The following IL15 variants were observed in gnomAD, a reference collection of about 807,000 sequenced individuals.
IL15 encodes interleukin-15.
IL15 carries 11 observed loss-of-function variants against 19.6 expected under a neutral mutation model. The ratio of observed to expected loss-of-function variants is 0.56; its 90% CI spans 0.35 to 0.93. IL15 has a LOEUF of 0.93. Among genes scored for constraint, IL15 ranks in the 40% least tolerant of loss-of-function variants. The probability of loss-of-function intolerance (pLI) is 0.01; values close to 1 mark genes in which losing one functional copy is unlikely to be tolerated. For missense variants in IL15, 197 were observed against 186.5 expected, an observed-to-expected ratio of 1.06 and a Z score of -0.33; for synonymous variants, 58 against 59.6, an observed-to-expected ratio of 0.97 and a Z score of 0.12.
At chr4:141,673,041 A>G (rs1365585787) in intron 2 of IL15, among the ~76,000 whole-genome samples, 2 of 152,152 alleles carry the variant, frequency 1.3e-5, no homozygotes, top group Non-Finnish European at 2.9e-5. Context: ...TCACTAGACT[A>G]TGAGCTCAAT....
intron 2 of IL15, among the ~76,000 whole-genome samples, chr4:141,668,105 G>T (rs904690770): frequency 1.3e-5 from 2 of 152,126 alleles, no homozygotes; most frequent in African/African-American, 4.8e-5. Flanking sequence ...TTACAGTTGT[G>T]ATTAAATCAC....
At chr4:141,694,803 T>A (rs1729037653) in intron 2 of IL15, among the ~76,000 whole-genome samples, 1 of 152,200 alleles carries the variant, frequency 6.6e-6, no homozygotes, top group African/African-American at 2.4e-5. Flanking sequence ...TCTGGACTTT[T>A]CCCACAGACC....
chr4:141,723,807 T>C (rs1730171208), intron 5 of IL15, among the ~76,000 whole-genome samples: 1 of 152,132 alleles, frequency 6.6e-6, no homozygotes, highest in Non-Finnish European at 1.5e-5. Context: ...TGTTCTTAAA[T>C]GTATACACAT....
In IL15 at chr4:141,733,733, A is replaced by G. The variant is rs1239002560; in HGVS notation, c.*885A>G. On this transcript the variant is annotated 3_prime_UTR_variant, in exon 8 of 8. Transcript: ENST00000320650. Reference sequence around the variant, plus strand: ...AATCAAAAGATTGGATGCCCCTGGTATAGAAAACTAATAGTGACAGTGTTC... The same window carrying G: ...AATCAAAAGATTGGATGCCCCTGGTGTAGAAAACTAATAGTGACAGTGTTC... 6.6e-6 allele frequency: 1 copy of G among 152,208 alleles called. No homozygotes were observed. 9.4% of individuals were successfully genotyped at this position (152,208 alleles called of 1,614,324 possible).
At chr4:141,683,785 T>C (rs1728619660) in intron 2 of IL15, among the ~76,000 whole-genome samples, 1 of 152,174 alleles carries the variant, frequency 6.6e-6, no homozygotes, top group Non-Finnish European at 1.5e-5. Context: ...ATGTTAAAGA[T>C]ACAGAAAAGA....
chr4:141,651,464 G>T (rs1727404277), intron 1 of IL15, among the ~76,000 whole-genome samples: 1 of 152,024 alleles, frequency 6.6e-6, no homozygotes, highest in Non-Finnish European at 1.5e-5. Context: ...AGGGATGAGA[G>T]ATTACTTAAT....
chr4:141,660,301 A>G (rs1402605588), intron 2 of IL15, among the ~76,000 whole-genome samples: 2 of 152,198 alleles, frequency 1.3e-5, no homozygotes, highest in Admixed American at 1.3e-4. Flanking sequence ...GTATAAACTA[A>G]GTTACTAGGA....
At chr4:141,656,164 T>C (rs1578993676) in intron 1 of IL15, 22 bp from the exon 2 acceptor site, 1 of 398,334 alleles carries the variant, frequency 2.5e-6, no homozygotes, top group South Asian at 1.3e-4. Flanking sequence ...AATCCTCTTA[T>C]CCGTACCTTT....
At chr4:141,720,180 G>A (rs1290367159) in intron 3 of IL15, among the ~76,000 whole-genome samples, 1 of 152,066 alleles carries the variant, frequency 6.6e-6, no homozygotes, top group Non-Finnish European at 1.5e-5. Context: ...TTTAAGTGGT[G>A]ACATTGGTAT....
intron 2 of IL15, among the ~76,000 whole-genome samples, chr4:141,704,874 T>C (rs1449048328): frequency 6.6e-6 from 1 of 151,936 alleles, no homozygotes; most frequent in Non-Finnish European, 1.5e-5. Flanking sequence ...GGTGTATACT[T>C]ATTCATAATA....
chr4:141,647,385 GATTAGAAGTAC>G (rs1727261104), intron 1 of IL15, among the ~76,000 whole-genome samples: 1 of 152,072 alleles, frequency 6.6e-6, no homozygotes, highest in South Asian at 2.1e-4. Flanking sequence ...TCCTGTAAGT[GATTAGAAGTAC>G]TGGATTGAAG....
intron 1 of IL15, among the ~76,000 whole-genome samples, chr4:141,647,584 G>A (rs561776526): frequency 2.6e-5 from 4 of 152,068 alleles, no homozygotes; most frequent in South Asian, 2.1e-4. Flanking sequence ...GGAGATATTC[G>A]GGAAGGCCTT....
intron 1 of IL15, among the ~76,000 whole-genome samples, chr4:141,648,763 T>A (rs1336240743): frequency 2.0e-5 from 3 of 152,092 alleles, no homozygotes; most frequent in African/African-American, 7.2e-5. Context: ...TATTGAGGCA[T>A]TCATCTTCTA....
intron 2 of IL15, among the ~76,000 whole-genome samples, chr4:141,674,493 G>A (rs1178586987): frequency 6.6e-6 from 1 of 152,036 alleles, no homozygotes; most frequent in African/African-American, 2.4e-5. Context: ...GGCTGAGGCA[G>A]GAGAATCGCT....
intron 2 of IL15, among the ~76,000 whole-genome samples, chr4:141,660,139 A>T (rs1233074661): frequency 6.6e-6 from 1 of 152,170 alleles, no homozygotes; most frequent in Non-Finnish European, 1.5e-5. Flanking sequence ...TATTTTGGAT[A>T]GTCAACTGGG....
chr4:141,703,289 T>G (rs1226188622), intron 2 of IL15, among the ~76,000 whole-genome samples: 1 of 152,156 alleles, frequency 6.6e-6, no homozygotes, highest in Non-Finnish European at 1.5e-5. Flanking sequence ...TGTTGATGGG[T>G]GTACATCCCT....
intron 1 of IL15, among the ~76,000 whole-genome samples, chr4:141,642,854 C>T (rs1345732333): frequency 6.6e-6 from 1 of 152,142 alleles, no homozygotes; most frequent in Non-Finnish European, 1.5e-5. Flanking sequence ...ATGTGTCTGA[C>T]TCTACACTTA....
At chr4:141,693,135 C>T (rs1405675810) in intron 2 of IL15, among the ~76,000 whole-genome samples, 1 of 149,916 alleles carries the variant, frequency 6.7e-6, no homozygotes. Context: ...AACTTACAAT[C>T]ATGGCAGAAG....
At chr4:141,681,339 T>C (rs954687775) in intron 2 of IL15, among the ~76,000 whole-genome samples, 22 of 151,732 alleles carry the variant, frequency 1.4e-4, no homozygotes, top group African/African-American at 5.3e-4. Context: ...ATAGAAGTCA[T>C]AGTAATATTT....
Sources: allele counts gnomAD v4.1 joint callset (sites outside exome capture counted in the v4.1 genomes callset), GRCh38; gene constraint gnomAD v4.1.1; transcripts MANE v1.5; gene names NCBI Gene and HGNC (gene_info 2026-07-23, HGNC 2026-07-21).